The following SH3YL1 variants were observed in gnomAD, a reference collection of about 807,000 sequenced individuals.
The protein encoded by SH3YL1 is SH3 and SYLF domain containing 1, also known as SH3 domain-containing YSC84-like protein 1.
A neutral mutation model predicts 45.8 loss-of-function variants in SH3YL1; 41 were observed. The ratio of observed to expected loss-of-function variants is 0.89; its 90% CI spans 0.70 to 1.16. SH3YL1 has a LOEUF of 1.16. SH3YL1 is among the 50% of genes most tolerant of loss of function. SH3YL1 has a pLI of 0.00. For synonymous variants in SH3YL1, 152 were observed against 151.4 expected (o/e 1.00, Z -0.03); for missense variants, 389 against 409.6 (o/e 0.95, Z 0.43).
At chr2:263,780 G>C in intron 1 of SH3YL1, 1 of 470,372 alleles carries the variant, frequency 2.1e-6, no homozygotes, top group Non-Finnish European at 3.8e-6. Context: ...TGGAAAAGAC[G>C]GTGGCTAAAC....
chr2:235,137 A>G (rs1668231050), intron 4 of SH3YL1, among the ~76,000 whole-genome samples: 1 of 152,202 alleles, frequency 6.6e-6, no homozygotes, highest in Non-Finnish European at 1.5e-5. Flanking sequence ...TCGGCCTCCC[A>G]AAGTGCTGGA....
chr2:263,886 C>G, intron 1 of SH3YL1, 98 bp downstream of exon 1: 1 of 1,045,848 alleles, frequency 9.6e-7, no homozygotes, highest in South Asian at 1.4e-5. Flanking sequence ...CTAGAAACCC[C>G]AGAGGCATCG....
At chr2:242,605 C>CAGAGGGACAAAAAA (rs1668589398) in intron 4 of SH3YL1, among the ~76,000 whole-genome samples, 1 of 151,826 alleles carries the variant, frequency 6.6e-6, no homozygotes, top group Non-Finnish European at 1.5e-5. Flanking sequence ...GGGACAAAAA[C>CAGAGGGACAAAAAA]GGCATGAGAT....
At chr2:260,963 G>C (rs770080011) in intron 1 of SH3YL1, 1 of 152,186 alleles carries the variant, frequency 6.6e-6, no homozygotes, top group African/African-American at 2.4e-5. Context: ...GCTGCAGACC[G>C]CAAGACTCAT....
rs572883922 is a variant in SH3YL1, at chr2:251,369, T to C, written c.113-1525A>G. The stretch of plus-strand genomic sequence containing the variant: ...TTTATCCTATGAAATAGCATCTTTG[T>C]TTTAATGTAAACATAATGCCCCCCA... On this transcript the variant is annotated intron_variant, in intron 2 of 9. Transcript: ENST00000356150. 1.9e-4 allele frequency among the ~76,000 whole-genome samples: 29 copies of C among 152,356 alleles called. No homozygotes were observed. The South Asian group carries it at 5.8e-3, about 30-fold the overall frequency.
At chr2:258,267 TGA>T (rs981342331) in intron 1 of SH3YL1, among the ~76,000 whole-genome samples, 1 of 152,240 alleles carries the variant, frequency 6.6e-6, no homozygotes, top group Non-Finnish European at 1.5e-5. Flanking sequence ...TTAATAATGT[TGA>T]TTCTTCCTAT....
chr2:226,439 G>C (rs778292844), intron 8 of SH3YL1, among the ~76,000 whole-genome samples: 17 of 152,204 alleles, frequency 1.1e-4, no homozygotes, highest in Non-Finnish European at 2.5e-4. Flanking sequence ...TATATGAAGA[G>C]ATGTTTACAT....
intron 4 of SH3YL1, among the ~76,000 whole-genome samples, chr2:245,732 A>AT (rs1448569583): frequency 6.6e-6 from 1 of 152,148 alleles, no homozygotes; most frequent in Non-Finnish European, 1.5e-5. Flanking sequence ...AAGATTGATT[A>AT]TTTATGTGTA....
intron 8 of SH3YL1, among the ~76,000 whole-genome samples, chr2:227,909 G>A (rs1667856117): frequency 6.7e-6 from 1 of 148,718 alleles, no homozygotes; most frequent in Non-Finnish European, 1.5e-5. Context: ...GTGTGTGTGT[G>A]TAAGGATATG....
At chr2:221,783 C>T (rs1667585561) in intron 9 of SH3YL1, among the ~76,000 whole-genome samples, 1 of 151,640 alleles carries the variant, frequency 6.6e-6, no homozygotes, top group Admixed American at 6.6e-5. Flanking sequence ...GAAACTCCAT[C>T]CACATGAAAA....
chr2:252,894 A>G (rs1669134003), intron 2 of SH3YL1, 111 bp downstream of exon 2: 2 of 649,926 alleles, frequency 3.1e-6, no homozygotes, highest in African/African-American at 3.7e-5. Context: ...TGGCTGAACT[A>G]CTTGTTGGCA....
chr2:254,759 T>C (rs1473183415), intron 1 of SH3YL1, among the ~76,000 whole-genome samples: 1 of 152,198 alleles, frequency 6.6e-6, no homozygotes, highest in Non-Finnish European at 1.5e-5. Context: ...GGAAATTCCC[T>C]GTGGACAACA....
chr2:230,258 C>A (rs1572147566), intron 7 of SH3YL1: 2 of 371,842 alleles, frequency 5.4e-6, no homozygotes, highest in East Asian at 4.1e-5. Context: ...CTTCTCATGC[C>A]TGGAAGCTAA....
intron 1 of SH3YL1, among the ~76,000 whole-genome samples, chr2:253,577 C>T (rs890368668): frequency 1.3e-5 from 2 of 152,174 alleles, no homozygotes; most frequent in African/African-American, 2.4e-5. Flanking sequence ...CTCTCAGTTC[C>T]GGGAATTGCC....
chr2:227,535 G>A (rs867375923), intron 8 of SH3YL1, among the ~76,000 whole-genome samples: 8 of 151,958 alleles, frequency 5.3e-5, no homozygotes, highest in African/African-American at 1.9e-4. Context: ...ATTTCTACGC[G>A]GAGTTGTTGA....
At chr2:242,597 G>A (rs1000213604) in intron 4 of SH3YL1, among the ~76,000 whole-genome samples, 3 of 151,888 alleles carry the variant, frequency 2.0e-5, no homozygotes, top group African/African-American at 7.3e-5. Flanking sequence ...GAAACAGAGG[G>A]ACAAAAACGG....
chr2:254,110 ATATATAG>A (rs944525525), intron 1 of SH3YL1, among the ~76,000 whole-genome samples: 2 of 152,056 alleles, frequency 1.3e-5, no homozygotes, highest in Admixed American at 6.6e-5. Flanking sequence ...ACTATCTATA[ATATATAG>A]TATAAATTTA....
intron 4 of SH3YL1, among the ~76,000 whole-genome samples, chr2:242,551 G>A (rs1156295520): frequency 6.6e-6 from 1 of 151,994 alleles, no homozygotes; most frequent in Non-Finnish European, 1.5e-5. Context: ...AAATGCCATA[G>A]TACAAAATGT....
intron 5 of SH3YL1, 127 bp from the exon 6 acceptor site, chr2:233,356 G>T: frequency 9.2e-7 from 1 of 1,084,746 alleles, no homozygotes; most frequent in East Asian, 3.0e-5. Flanking sequence ...CTGTTTCTAT[G>T]TTTTACTTAC....
Sources: gnomAD v4.1 joint callset for allele counts (sites outside exome capture counted in the v4.1 genomes callset) on GRCh38, gnomAD v4.1.1 for gene constraint, MANE v1.5 for transcripts, NCBI Gene and HGNC (gene_info 2026-07-23, HGNC 2026-07-21) for gene names.